Variants in SLC37A3 observed in about 807,000 individuals in gnomAD.
SLC37A3 encodes the protein sugar phosphate exchanger 3.
In SLC37A3, 51 loss-of-function variants were observed where a neutral mutation model predicts 67.1. The observed-to-expected ratio is 0.76, with a 90% CI of 0.61 to 0.96. The LOEUF (loss-of-function observed/expected upper bound fraction) is 0.96. Among genes scored for constraint, SLC37A3 ranks in the 40% least tolerant of loss-of-function variants. The probability of loss-of-function intolerance (pLI) is 0.00; values close to 1 mark genes in which losing one functional copy is unlikely to be tolerated. For synonymous variants in SLC37A3, 214 were observed against 231.4 expected (o/e 0.92, Z 0.68); for missense variants, 508 against 603.0 (o/e 0.84, Z 1.65).
At chr7:140,357,460 G>A (rs927517762) in intron 6 of SLC37A3, among the ~76,000 whole-genome samples, 1 of 151,862 alleles carries the variant, frequency 6.6e-6, no homozygotes, top group African/African-American at 2.4e-5. Context: ...GGCTGGGTGT[G>A]GTGGCTCATG....
chr7:140,368,528 T>C (rs1015491759), intron 4 of SLC37A3, among the ~76,000 whole-genome samples: 8 of 151,972 alleles, frequency 5.3e-5, no homozygotes, highest in Admixed American at 2.6e-4. Flanking sequence ...GATTGTGCCA[T>C]TGCACTCCAG....
intron 2 of SLC37A3, among the ~76,000 whole-genome samples, chr7:140,380,897 CT>C (rs56276405): frequency 3.4e-4 from 43 of 125,846 alleles, no homozygotes; most frequent in Non-Finnish European, 3.7e-4. Context: ...TCTTCTTCTT[CT>C]TTTTTTTTTT....
chr7:140,347,273 A>C (rs1796603470), intron 10 of SLC37A3, among the ~76,000 whole-genome samples: 1 of 151,810 alleles, frequency 6.6e-6, no homozygotes, highest in African/African-American at 2.4e-5. Context: ...GAAAAAAAAA[A>C]GTGGCTAGTA....
chr7:140,388,696 A>C (rs1421225932), intron 1 of SLC37A3, among the ~76,000 whole-genome samples: 1 of 152,020 alleles, frequency 6.6e-6, no homozygotes, highest in African/African-American at 2.4e-5. Context: ...TTGTAATCCC[A>C]GCTACTCAGG....
rs140989996 is a variant in SLC37A3, at chr7:140,334,370, T to C, written c.*1042A>G. On this transcript the variant is annotated 3_prime_UTR_variant, in exon 15 of 15. Transcript: ENST00000326232. ...GGTATTAAATGCATTTGACTTCCAA[T>C]GGGTTTACTGGGACATAACCCCATC... 4 of 152,486 alleles carry C rather than the reference T, an allele frequency of 2.6e-5. No homozygotes were observed. In the East Asian group the frequency reaches 7.7e-4, roughly 29 times the overall value. The allele number at this position is 152,486 out of a possible 1,614,324, so 9.4% of individuals were successfully genotyped here. A position where few individuals can be genotyped will look rare whatever the true frequency, so the allele number is the denominator to read the frequency against.
In SLC37A3 at chr7:140,343,318, A is replaced by G. The variant is rs903413002; in HGVS notation, c.1326+94T>C. ...TCTGGGAACAGCGTTCTACAGCACA[A>G]GAGTGCCACCTACTGAGGCCCAGAG... is the stretch of plus-strand genomic sequence containing the variant. On this transcript the variant is annotated intron_variant, in intron 13 of 14. Coordinates refer to ENST00000326232, the MANE Select transcript of SLC37A3 (RefSeq NM_207113.3). 3.2e-6 allele frequency: 5 copies of G among 1,559,590 alleles called. No homozygotes were observed. The African/African-American group carries it at 4.1e-5, about 13-fold the overall frequency.
At chr7:140,373,968 A>G (rs1797923534) in intron 3 of SLC37A3, among the ~76,000 whole-genome samples, 1 of 152,186 alleles carries the variant, frequency 6.6e-6, no homozygotes, top group African/African-American at 2.4e-5. Context: ...TATTTATGTT[A>G]ATACTTATTG....
At chr7:140,351,674 C>CT in intron 8 of SLC37A3, 1 of 574,544 alleles carries the variant, frequency 1.7e-6, no homozygotes, top group South Asian at 2.3e-5. Flanking sequence ...TCTGTGGTTT[C>CT]ATTTGTATGT....
intron 1 of SLC37A3, among the ~76,000 whole-genome samples, chr7:140,392,086 C>A (rs532815445): frequency 6.6e-6 from 1 of 152,094 alleles, no homozygotes; most frequent in African/African-American, 2.4e-5. Context: ...ATGGGGAACT[C>A]TCCTTACGGA....
At chr7:140,348,231 C>T (rs144487352) in intron 10 of SLC37A3, among the ~76,000 whole-genome samples, 216 of 152,116 alleles carry the variant, frequency 1.4e-3, no homozygotes, top group African/African-American at 5.1e-3. Flanking sequence ...ACAATGAACA[C>T]GTTCATATTC....
chr7:140,379,244 C>T (rs9692001), intron 3 of SLC37A3: 58,975 of 151,800 alleles, frequency 0.39, 12,151 homozygotes, highest in Non-Finnish European at 0.46. Flanking sequence ...GAGGCCGAGG[C>T]GGGCAGATCA....
chr7:140,366,942 C>G (rs1438274687), intron 4 of SLC37A3, among the ~76,000 whole-genome samples: 2 of 152,142 alleles, frequency 1.3e-5, no homozygotes, highest in Admixed American at 6.5e-5. Context: ...TGAGACCAGT[C>G]TGACCAACAC....
intron 9 of SLC37A3, among the ~76,000 whole-genome samples, chr7:140,349,102 T>A (rs1450139869): frequency 6.6e-6 from 1 of 152,200 alleles, no homozygotes; most frequent in Non-Finnish European, 1.5e-5. Flanking sequence ...CACATACCCA[T>A]ATTTCTTTAT....
At chr7:140,336,478 C>T (rs1563001726) in intron 14 of SLC37A3, among the ~76,000 whole-genome samples, 2 of 152,084 alleles carry the variant, frequency 1.3e-5, no homozygotes, top group Non-Finnish European at 2.9e-5. Flanking sequence ...TGGCTATTTC[C>T]AAGAAAGTAG....
chr7:140,335,016 C>A lies in SLC37A3; in HGVS notation c.*396G>T. 2.0e-6 allele frequency: 1 copy of A among 512,514 alleles called. No individual in the cohort carries two copies. The highest frequency in any genetic ancestry group is 3.5e-6 in the Non-Finnish European group (1 of 285,042). 31.7% of individuals were successfully genotyped at this position (512,514 alleles called of 1,614,324 possible). ...CTCTTCCATTTGTGGAACATACCAC[C>A]AACACAAACCACGCGTGGCTTTGCC... is the stretch of plus-strand genomic sequence containing the variant. On this transcript the variant is annotated 3_prime_UTR_variant, in exon 15 of 15. Transcript: ENST00000326232.
In SLC37A3 at chr7:140,369,649, C is replaced by T. The variant is rs774492171; in HGVS notation, c.232G>A (p.Glu78Lys). ...GTGCCGAGGAAAAGAGTCGCTTTCT[C>T]TGCACTGGGGAACAAATGGTTGCTG... The part of the protein sequence containing the change: ...WSSNHLFPSA[E>K]KATLFLGTLD... Residue 78 changes from glutamate to lysine, a missense_variant, in exon 4 of 15, where the codon GAG becomes AAG. Physicochemically the swap from Glu to Lys is moderately conservative, Grantham distance 56. Coordinates refer to ENST00000326232, the MANE Select transcript of SLC37A3 (RefSeq NM_207113.3). 2.4e-5 allele frequency: 39 copies of T among 1,613,730 alleles called. No individual in the cohort carries two copies. In the Admixed American group the frequency reaches 6.5e-4, roughly 27 times the overall value.
rs1207625863 is a variant in SLC37A3, at chr7:140,364,390, T to A, written c.375+18A>T. 1.2e-6 allele frequency: 2 copies of A among 1,607,046 alleles called. No individual in the cohort carries two copies. Among genetic ancestry groups the A allele is most frequent in the Admixed American group, 3.4e-5 (2 of 59,176 alleles). ...AAATACCTGACCAAAATAATAATAA[T>A]AAGACCTTTCAACTTACCACTAATG... On this transcript the variant is annotated intron_variant, in intron 5 of 14. Transcript: ENST00000326232.
chr7:140,339,744 T>G (rs1211289545), intron 13 of SLC37A3, among the ~76,000 whole-genome samples: 1 of 145,540 alleles, frequency 6.9e-6, no homozygotes, highest in Non-Finnish European at 1.5e-5. Flanking sequence ...TTCCTGTTTG[T>G]TTTTTTTTTT....
At chr7:140,357,158 G>A (rs548829295) in intron 6 of SLC37A3, among the ~76,000 whole-genome samples, 2 of 152,150 alleles carry the variant, frequency 1.3e-5, no homozygotes, top group Admixed American at 1.3e-4. Flanking sequence ...AGGCTGAGGT[G>A]AGCCGAGATC....
Sources: gnomAD v4.1 joint callset for allele counts (sites outside exome capture counted in the v4.1 genomes callset) on GRCh38, gnomAD v4.1.1 for gene constraint, MANE v1.5 for transcripts, NCBI Gene and HGNC (gene_info 2026-07-23, HGNC 2026-07-21) for gene names.